PTPN1: variants seen among roughly 807,000 people sequenced by gnomAD.
The protein encoded by PTPN1 is tyrosine-protein phosphatase non-receptor type 1.
A neutral mutation model predicts 59.9 loss-of-function variants in PTPN1; 12 were observed. The ratio of observed to expected loss-of-function variants is 0.20; its 90% CI spans 0.13 to 0.32. The LOEUF (loss-of-function observed/expected upper bound fraction) is 0.32. Ranked by LOEUF, PTPN1 falls within the 10% of genes least tolerant of loss-of-function variation. The pLI is 1.00. For synonymous variants in PTPN1, 178 were observed against 203.6 expected (o/e 0.87, Z 1.07); for missense variants, 356 against 549.2 (o/e 0.65, Z 3.52).
At chr20:50,518,086 T>C (rs1395215163) in intron 1 of PTPN1, among the ~76,000 whole-genome samples, 1 of 152,116 alleles carries the variant, frequency 6.6e-6, no homozygotes, top group African/African-American at 2.4e-5. Flanking sequence ...TTAAGAAACG[T>C]TTTTCGACTT....
chr20:50,565,126 G>A, intron 3 of PTPN1, 57 bp downstream of exon 3: 2 of 1,519,142 alleles, frequency 1.3e-6, no homozygotes, highest in South Asian at 1.2e-5. Context: ...TGAGAGTGCT[G>A]TTATCCACAC....
At chr20:50,574,962 T>C in intron 5 of PTPN1, 1 of 300,758 alleles carries the variant, frequency 3.3e-6, no homozygotes, top group Non-Finnish European at 6.1e-6. Context: ...AGCGGCAGCC[T>C]GCAAGTCCCA....
Position 50,583,800 on chromosome 20 carries a change from G to A in PTPN1, c.*1085G>A, listed in dbSNP as rs1272337786. 6.5e-6 allele frequency: 1 copy of A among 152,712 alleles called. No individual in the cohort carries two copies. Among genetic ancestry groups the A allele is most frequent in the East Asian group, 1.9e-4 (1 of 5,200 alleles). 9.5% of individuals were successfully genotyped at this position (152,712 alleles called of 1,614,324 possible). A position where few individuals can be genotyped will look rare whatever the true frequency, so the allele number is the denominator to read the frequency against. ...GTAACTCAGACATTCCAAGGGTATG[G>A]GAAGCCATATTCACACCTCACGCTC... On this transcript the variant is annotated 3_prime_UTR_variant, in exon 10 of 10. Coordinates refer to ENST00000371621, the MANE Select transcript of PTPN1 (RefSeq NM_002827.4).
At chr20:50,551,076 G>A (rs1354972386) in intron 1 of PTPN1, among the ~76,000 whole-genome samples, 2 of 152,154 alleles carry the variant, frequency 1.3e-5, no homozygotes, top group African/African-American at 4.8e-5. Context: ...TTGAGTTTGG[G>A]AGGTGTCTGA....
At chr20:50,530,020 G>A (rs1380373715) in intron 1 of PTPN1, among the ~76,000 whole-genome samples, 2 of 151,592 alleles carry the variant, frequency 1.3e-5, no homozygotes, top group Admixed American at 1.3e-4. Context: ...GATTACAGGC[G>A]GGTGCCACTA....
At chr20:50,547,658 G>C (rs979092030) in intron 1 of PTPN1, among the ~76,000 whole-genome samples, 1 of 152,138 alleles carries the variant, frequency 6.6e-6, no homozygotes, top group African/African-American at 2.4e-5. Context: ...CACTGCACCC[G>C]GCCGTGTTAA....
intron 1 of PTPN1, among the ~76,000 whole-genome samples, chr20:50,518,799 G>T (rs1160754089): frequency 6.6e-6 from 1 of 152,108 alleles, no homozygotes; most frequent in Non-Finnish European, 1.5e-5. Flanking sequence ...AGGCAGAATG[G>T]GGCCAAGATC....
chr20:50,570,848 A>G (rs1178756805), intron 4 of PTPN1: 2 of 151,878 alleles, frequency 1.3e-5, no homozygotes, highest in African/African-American at 4.8e-5. Context: ...TTCTGTCTAG[A>G]CTCCAGACTT....
At chr20:50,513,002 A>C (rs2082513826) in intron 1 of PTPN1, among the ~76,000 whole-genome samples, 1 of 152,240 alleles carries the variant, frequency 6.6e-6, no homozygotes, top group Non-Finnish European at 1.5e-5. Context: ...TAAGCAGGTC[A>C]GTTATTCTAA....
chr20:50,530,399 C>T (rs908266450), intron 1 of PTPN1, among the ~76,000 whole-genome samples: 1 of 152,016 alleles, frequency 6.6e-6, no homozygotes, highest in African/African-American at 2.4e-5. Context: ...GCTCTGTCAC[C>T]AGGCTGGAGT....
chr20:50,542,904 A>G (rs2082658903), intron 1 of PTPN1, among the ~76,000 whole-genome samples: 1 of 152,254 alleles, frequency 6.6e-6, no homozygotes, highest in Admixed American at 6.5e-5. Context: ...GAGGAAAGAG[A>G]TAAGAATACT....
chr20:50,548,453 G>T (rs1177918959), intron 1 of PTPN1, among the ~76,000 whole-genome samples: 1 of 150,574 alleles, frequency 6.6e-6, no homozygotes, highest in African/African-American at 2.4e-5. Context: ...TTGAGACAGG[G>T]TCTTACTCTG....
At chr20:50,528,223 A>G (rs1182302290) in intron 1 of PTPN1, among the ~76,000 whole-genome samples, 1 of 152,122 alleles carries the variant, frequency 6.6e-6, no homozygotes, top group Non-Finnish European at 1.5e-5. Flanking sequence ...TGCCTTGTCT[A>G]GGTCCTCCCA....
rs1460796182 is a variant in PTPN1 at position 50,577,756 on chromosome 20, A to G, written c.493-664A>G. 2.0e-5 allele frequency: 3 copies of G among 152,208 alleles called. No homozygotes were observed. In the East Asian group the frequency reaches 5.8e-4, roughly 29 times the overall value. 9.4% of individuals were successfully genotyped at this position (152,208 alleles called of 1,614,324 possible). The stretch of plus-strand genomic sequence containing the variant: ...ATGGACTCTCTGCCTCCAAACATCC[A>G]CCTCCTCATCGGAAAATGGATGGGA... On this transcript the variant is annotated intron_variant, in intron 5 of 9. Coordinates refer to ENST00000371621, the MANE Select transcript of PTPN1 (RefSeq NM_002827.4).
chr20:50,562,510 C>G (rs1256390518), intron 2 of PTPN1, among the ~76,000 whole-genome samples: 1 of 152,206 alleles, frequency 6.6e-6, no homozygotes, highest in African/African-American at 2.4e-5. Context: ...GCAAGTTGTT[C>G]TCTCTCATAG....
At chr20:50,526,986 A>G (rs1328207524) in intron 1 of PTPN1, among the ~76,000 whole-genome samples, 3 of 152,188 alleles carry the variant, frequency 2.0e-5, no homozygotes, top group Non-Finnish European at 4.4e-5. Flanking sequence ...CATCAGATCT[A>G]AAGCTTACCT....
chr20:50,544,736 C>G (rs990440550), intron 1 of PTPN1, among the ~76,000 whole-genome samples: 3 of 152,098 alleles, frequency 2.0e-5, no homozygotes, highest in Non-Finnish European at 4.4e-5. Flanking sequence ...AAGCAAGGAG[C>G]TGGGGTATTT....
intron 1 of PTPN1, among the ~76,000 whole-genome samples, chr20:50,553,503 G>A (rs2082712513): frequency 1.3e-5 from 2 of 152,198 alleles, no homozygotes; most frequent in Non-Finnish European, 2.9e-5. Flanking sequence ...AACAACTGTT[G>A]GGGAGTGGAT....
intron 1 of PTPN1, among the ~76,000 whole-genome samples, chr20:50,535,239 A>G (rs2082619319): frequency 1.3e-5 from 2 of 152,116 alleles, no homozygotes; most frequent in South Asian, 4.1e-4. Context: ...TTACCTCCAG[A>G]TTCCTAACAC....
Sources: allele counts gnomAD v4.1 joint callset (sites outside exome capture counted in the v4.1 genomes callset), GRCh38; gene constraint gnomAD v4.1.1; transcripts MANE v1.5; gene names NCBI Gene and HGNC (gene_info 2026-07-23, HGNC 2026-07-21).